The following SMYD3 variants were observed in gnomAD, a reference collection of about 807,000 sequenced individuals.
SMYD3 encodes the protein SET and MYND domain containing 3, also known as histone-lysine N-methyltransferase SMYD3.
Under a neutral mutation model 57.7 loss-of-function variants are expected in SMYD3, and 36 were observed. That is an observed-to-expected ratio of 0.62 (90% CI 0.48 to 0.82). The LOEUF (loss-of-function observed/expected upper bound fraction) is 0.82. Among genes scored for constraint, SMYD3 ranks in the 40% least tolerant of loss-of-function variants. The pLI, the probability that SMYD3 is intolerant of heterozygous loss-of-function variation, is 0.00. For missense variants in SMYD3, 515 were observed against 538.8 expected (o/e 0.96, Z 0.44); for synonymous variants, 211 against 195.0 (o/e 1.08, Z -0.68).
intron 5 of SMYD3, among the ~76,000 whole-genome samples, chr1:246,068,058 C>T (rs531981354): frequency 2.6e-5 from 4 of 152,212 alleles, no homozygotes; most frequent in South Asian, 2.1e-4. Context: ...TAAGTAAATC[C>T]AGTATGTGTG....
chr1:245,839,586 G>A (rs917499674), intron 10 of SMYD3, among the ~76,000 whole-genome samples: 1 of 152,130 alleles, frequency 6.6e-6, no homozygotes, highest in Admixed American at 6.5e-5. Flanking sequence ...TTTTCTGGGG[G>A]AGGGTAATTA....
rs201506538 is a variant in SMYD3, at chr1:246,077,019, A to AG, written c.532-147083dup. Among the ~76,000 whole-genome samples the AG allele has an allele frequency of 2.8e-3, 420 of 152,304 alleles. 2 individuals carry two copies. The highest frequency in any genetic ancestry group is 9.8e-3 in the African/African-American group (407 of 41,572). ...TTTGTCCTTGCAGGATGAGGTTTTC[A>AG]GAGGTAAGCTGGGGGTGGGGAACCA... On this transcript the variant is annotated intron_variant, in intron 5 of 11. Coordinates refer to ENST00000490107, the MANE Select transcript of SMYD3 (RefSeq NM_001167740.2).
chr1:245,865,500 G>A (rs1014816721), intron 8 of SMYD3, among the ~76,000 whole-genome samples: 6 of 152,154 alleles, frequency 3.9e-5, no homozygotes, highest in Non-Finnish European at 1.5e-5. Context: ...CTCAGATTAA[G>A]TGACTTACCT....
chr1:245,780,135 C>T (rs200086995), intron 10 of SMYD3, among the ~76,000 whole-genome samples: 18 of 152,272 alleles, frequency 1.2e-4, no homozygotes, highest in South Asian at 4.1e-4. Flanking sequence ...AAACATTAAA[C>T]GACAGAGTTA....
intron 1 of SMYD3, among the ~76,000 whole-genome samples, chr1:246,397,316 T>C (rs1247623753): frequency 6.6e-6 from 1 of 152,088 alleles, no homozygotes; most frequent in Non-Finnish European, 1.5e-5. Flanking sequence ...CCCAAAGCCA[T>C]CCCCTGTCCT....
At chr1:246,483,054 G>A (rs963231751) in intron 1 of SMYD3, among the ~76,000 whole-genome samples, 1 of 152,130 alleles carries the variant, frequency 6.6e-6, no homozygotes, top group Admixed American at 6.5e-5. Flanking sequence ...CCTAAACAAA[G>A]CCCAGCTGCA....
intron 1 of SMYD3, among the ~76,000 whole-genome samples, chr1:246,426,968 T>C (rs1024035456): frequency 1.3e-5 from 2 of 152,096 alleles, no homozygotes; most frequent in African/African-American, 4.8e-5. Flanking sequence ...TGAGAGCCTA[T>C]TTACTATACC....
chr1:246,157,904 G>A (rs2062047745), intron 5 of SMYD3, among the ~76,000 whole-genome samples: 1 of 152,214 alleles, frequency 6.6e-6, no homozygotes, highest in East Asian at 1.9e-4. Flanking sequence ...TGTTGCCAGT[G>A]AGACCCCACT....
intron 5 of SMYD3, among the ~76,000 whole-genome samples, chr1:246,068,548 G>A (rs905740835): frequency 6.6e-6 from 1 of 152,144 alleles, no homozygotes; most frequent in African/African-American, 2.4e-5. Context: ...AAAGGCTGAG[G>A]GAAGAACAAG....
intron 5 of SMYD3, among the ~76,000 whole-genome samples, chr1:245,953,684 G>A (rs2057738449): frequency 6.6e-6 from 1 of 152,140 alleles, no homozygotes; most frequent in African/African-American, 2.4e-5. Context: ...CTCCCAAAGT[G>A]CCGGGATCAC....
At chr1:246,297,868 C>A (rs1047670947) in intron 5 of SMYD3, among the ~76,000 whole-genome samples, 2 of 152,062 alleles carry the variant, frequency 1.3e-5, no homozygotes, top group Non-Finnish European at 2.9e-5. Flanking sequence ...GGACAATGAT[C>A]TTCATATTTT....
intron 5 of SMYD3, among the ~76,000 whole-genome samples, chr1:246,313,316 C>A (rs994381816): frequency 6.6e-6 from 1 of 152,096 alleles, no homozygotes; most frequent in African/African-American, 2.4e-5. Context: ...ATATACCTTA[C>A]CAACTTCTGC....
intron 1 of SMYD3, among the ~76,000 whole-genome samples, chr1:246,446,516 GAT>G (rs2067553051): frequency 6.6e-6 from 1 of 152,158 alleles, no homozygotes; most frequent in South Asian, 2.1e-4. Flanking sequence ...CCACATCAGA[GAT>G]ATTAGAGGTG....
intron 5 of SMYD3, among the ~76,000 whole-genome samples, chr1:246,149,408 T>G (rs2061907173): frequency 6.6e-6 from 1 of 152,156 alleles, no homozygotes; most frequent in Non-Finnish European, 1.5e-5. Flanking sequence ...ATCCTCAATT[T>G]TAGTTTTAGT....
intron 5 of SMYD3, among the ~76,000 whole-genome samples, chr1:246,077,870 G>C (rs2060573948): frequency 6.6e-6 from 1 of 151,924 alleles, no homozygotes; most frequent in African/African-American, 2.4e-5. Flanking sequence ...TTTTATGAAT[G>C]ACATTCTCAT....
At chr1:246,086,768 C>T (rs900071979) in intron 5 of SMYD3, among the ~76,000 whole-genome samples, 1 of 151,586 alleles carries the variant, frequency 6.6e-6, no homozygotes, top group Non-Finnish European at 1.5e-5. Context: ...GCGGGACCTG[C>T]AGGTTTGTTA....
chr1:246,213,006 CT>C (rs2063112812), intron 5 of SMYD3, among the ~76,000 whole-genome samples: 1 of 152,106 alleles, frequency 6.6e-6, no homozygotes, highest in Admixed American at 6.5e-5. Context: ...ACAAAAGGAG[CT>C]CTAGTATCAT....
At chr1:245,951,128 A>G (rs1363371388) in intron 5 of SMYD3, among the ~76,000 whole-genome samples, 1 of 152,140 alleles carries the variant, frequency 6.6e-6, no homozygotes, top group Non-Finnish European at 1.5e-5. Context: ...AAGGAGGCAC[A>G]TTGTTTCTGC....
At chr1:246,315,537 C>A (rs1479893849) in intron 5 of SMYD3, among the ~76,000 whole-genome samples, 11 of 152,188 alleles carry the variant, frequency 7.2e-5, no homozygotes, top group Admixed American at 7.2e-4. Flanking sequence ...CTTATAGAGA[C>A]AACCCATCCT....
Sources: gnomAD v4.1 joint callset for allele counts (sites outside exome capture counted in the v4.1 genomes callset) on GRCh38, gnomAD v4.1.1 for gene constraint, MANE v1.5 for transcripts, NCBI Gene and HGNC (gene_info 2026-07-23, HGNC 2026-07-21) for gene names.